PRDM16: variants seen among roughly 807,000 people sequenced by gnomAD.
PRDM16 encodes the protein PR/SET domain 16, also known as histone-lysine N-methyltransferase PRDM16.
A neutral mutation model predicts 110.6 loss-of-function variants in PRDM16; 23 were observed. The ratio of observed to expected loss-of-function variants is 0.21; its 90% confidence interval spans 0.15 to 0.29. The LOEUF (loss-of-function observed/expected upper bound fraction) is 0.29. Among genes scored for constraint, PRDM16 ranks in the 10% least tolerant of loss-of-function variants. The pLI, the probability that PRDM16 is intolerant of heterozygous loss-of-function variation, is 1.00. For synonymous variants in PRDM16, 799 were observed against 781.8 expected, an observed-to-expected ratio of 1.02 and a Z score of -0.37; for missense variants, 1,615 against 1,794.3, an observed-to-expected ratio of 0.90 and a Z score of 1.81.
At chr1:3,242,397 CCTT>C (rs1195961365) in intron 2 of PRDM16, among the ~76,000 whole-genome samples, 16 of 152,208 alleles carry the variant, frequency 1.1e-4, no homozygotes, top group Admixed American at 9.2e-4. Flanking sequence ...CGGGATCTGT[CCTT>C]CTACTCTCGA....
chr1:3,352,047 G>T (rs556637179), intron 3 of PRDM16, among the ~76,000 whole-genome samples: 1 of 152,144 alleles, frequency 6.6e-6, no homozygotes, highest in South Asian at 2.1e-4. Context: ...ACACTCCTGC[G>T]AGGGAATGGG....
intron 1 of PRDM16, among the ~76,000 whole-genome samples, chr1:3,114,840 A>G (rs1017988771): frequency 1.3e-5 from 2 of 152,234 alleles, no homozygotes; most frequent in African/African-American, 4.8e-5. Flanking sequence ...ATTGATCTCC[A>G]GAGTCCCAGA....
intron 1 of PRDM16, among the ~76,000 whole-genome samples, chr1:3,102,286 G>A (rs906540116): frequency 1.3e-5 from 2 of 152,150 alleles, no homozygotes; most frequent in Admixed American, 1.3e-4. Context: ...GCCAGCACCT[G>A]GCTACCTCCT....
At chr1:3,297,017 T>G (rs150157079) in intron 3 of PRDM16, among the ~76,000 whole-genome samples, 66 of 152,286 alleles carry the variant, frequency 4.3e-4, no homozygotes, top group African/African-American at 1.6e-3. Context: ...CATAATTTAT[T>G]GAATACTGTA....
intron 2 of PRDM16, among the ~76,000 whole-genome samples, chr1:3,195,301 A>G (rs963761577): frequency 1.3e-5 from 2 of 152,188 alleles, no homozygotes; most frequent in Admixed American, 1.3e-4. Context: ...TAGCCCAAGA[A>G]TGCCATGAAA....
intron 3 of PRDM16, among the ~76,000 whole-genome samples, chr1:3,378,196 T>G (rs1347389778): frequency 1.3e-5 from 2 of 152,214 alleles, no homozygotes; most frequent in East Asian, 3.9e-4. Context: ...AGTGTTCCTG[T>G]TGCCAGTGTT....
chr1:3,370,037 A>T lies in PRDM16; in HGVS notation c.439-15115A>T, dbSNP rs528940383. On this transcript the variant is annotated intron_variant, in intron 3 of 16. Transcript: ENST00000270722. This position sits in a 1 kb window ranked among gnomAD's most constrained non-coding sequence, Gnocchi z 4.8. ...AAGAAAGAAGGATGGGCTCGGAGAG[A>T]CTGAGTCAGCTGCAGGGAAGGCACT... 6.6e-6 allele frequency among the ~76,000 whole-genome samples: 1 copy of T among 152,084 alleles called. No homozygotes were observed. The highest frequency in any genetic ancestry group is 1.5e-5 in the Non-Finnish European group (1 of 68,028).
chr1:3,326,920 C>G (rs574178709), intron 3 of PRDM16, among the ~76,000 whole-genome samples: 1 of 152,220 alleles, frequency 6.6e-6, no homozygotes, highest in Non-Finnish European at 1.5e-5. Context: ...GGGAAAATCC[C>G]TCTACAGGAA....
chr1:3,092,357 G>A (rs533476897), intron 1 of PRDM16, among the ~76,000 whole-genome samples: 14 of 152,044 alleles, frequency 9.2e-5, no homozygotes, highest in Admixed American at 2.6e-4. Flanking sequence ...AAAGGCACCC[G>A]GTCCTGCCCC....
At chr1:3,409,741 TGTGTGTGGTGTGG>T (rs1478607069) in intron 8 of PRDM16, among the ~76,000 whole-genome samples, 6 of 141,078 alleles carry the variant, frequency 4.3e-5, no homozygotes, top group Non-Finnish European at 9.2e-5. Flanking sequence ...AGTGTGGGTG[TGTGTGTGGTGTGG>T]GTGTGAGTGT....
At chr1:3,427,430 C>T (rs866263790) in intron 14 of PRDM16, among the ~76,000 whole-genome samples, 7 of 152,148 alleles carry the variant, frequency 4.6e-5, no homozygotes, top group African/African-American at 7.2e-5. Context: ...TGGCCATGGG[C>T]GGTCTAAGGC....
intron 1 of PRDM16, among the ~76,000 whole-genome samples, chr1:3,182,738 TGAC>T (rs950103830): frequency 6.6e-6 from 1 of 152,164 alleles, no homozygotes; most frequent in African/African-American, 2.4e-5. Context: ...TGCGATCAAA[TGAC>T]GATCGCTCAT....
rs1213578819 is a variant in PRDM16, at chr1:3,290,305, C to A, written c.438+46168C>A. Among the ~76,000 whole-genome samples, 1 of 152,086 alleles carries A rather than the reference C, an allele frequency of 6.6e-6. No individual in the cohort carries two copies. Among genetic ancestry groups the A allele is most frequent in the African/African-American group, 2.4e-5 (1 of 41,408 alleles). On this transcript the variant is annotated intron_variant, in intron 3 of 16. Transcript: ENST00000270722. The surrounding 1 kb of genome is among the most constrained non-coding windows in gnomAD (Gnocchi z 4.8). ...CTGCCAGCCCACAGGGCTCAGGGGT[C>A]CTCAGAGGTGTCGCCCCTTCCATGC...
rs532491428 is a variant in PRDM16 at position 3,081,137 on chromosome 1, G to A, written c.37+11841G>A. On this transcript the variant is annotated intron_variant, in intron 1 of 16. Coordinates refer to ENST00000270722, the MANE Select transcript of PRDM16 (RefSeq NM_022114.4). The surrounding 1 kb of genome is among the most constrained non-coding windows in gnomAD (Gnocchi z 4.6). Reference sequence around the variant, plus strand: ...GCCCCGGAGTCTTAACTTTCCCTCCGTCGAAGGTGTTAGTCTTACCTTCCC... The same window carrying A: ...GCCCCGGAGTCTTAACTTTCCCTCCATCGAAGGTGTTAGTCTTACCTTCCC... Among the ~76,000 whole-genome samples the A allele has an allele frequency of 2.2e-3, 336 of 152,320 alleles. 1 individual carries two copies. Among genetic ancestry groups the A allele is most frequent in the African/African-American group, 7.8e-3 (325 of 41,576 alleles).
At chr1:3,319,443 G>C (rs1557604779) in intron 3 of PRDM16, among the ~76,000 whole-genome samples, 3 of 152,188 alleles carry the variant, frequency 2.0e-5, no homozygotes. Flanking sequence ...AGATATGCAG[G>C]GTGATGGGGA....
At position 3,402,829 on chromosome 1, in the gene PRDM16, T is replaced by C; in HGVS notation, c.715T>C (p.Phe239Leu). 1 of 1,613,006 alleles carries C rather than the reference T, an allele frequency of 6.2e-7. No individual in the cohort carries two copies. The highest frequency in any genetic ancestry group is 8.5e-7 in the Non-Finnish European group (1 of 1,179,900). Reference sequence around the variant, plus strand: ...CCGCTGTGACGAGTGTGACGAACTCTTCCAGTCCAAGCTGGACCTGCGGCG... The same window carrying C: ...CCGCTGTGACGAGTGTGACGAACTCCTCCAGTCCAAGCTGGACCTGCGGCG... ...TFRCDECDEL[F>L]QSKLDLRRHK... Residue 239 changes from phenylalanine (F) to leucine (L), a missense_variant, in exon 6 of 17, where the codon TTC (phenylalanine) becomes CTC (leucine). By Grantham distance (22) the Phe-to-Leu change is conservative (BLOSUM62 0). Transcript: ENST00000270722.
chr1:3,373,948 C>T (rs1420595573), intron 3 of PRDM16, among the ~76,000 whole-genome samples: 5 of 152,258 alleles, frequency 3.3e-5, no homozygotes, highest in Admixed American at 6.5e-5. Flanking sequence ...CAACCAGAGC[C>T]AACCACGCTG....
At chr1:3,272,654 T>G (rs1640485335) in intron 3 of PRDM16, among the ~76,000 whole-genome samples, 1 of 152,194 alleles carries the variant, frequency 6.6e-6, no homozygotes, top group African/African-American at 2.4e-5. Context: ...CTGCATCGCC[T>G]CAGTTCTGCA....
intron 3 of PRDM16, among the ~76,000 whole-genome samples, chr1:3,261,606 G>A (rs1640166232): frequency 6.6e-6 from 1 of 152,054 alleles, no homozygotes. Context: ...TAGATGACCT[G>A]TACACACGGC....
Sources: allele counts gnomAD v4.1 joint callset (sites outside exome capture counted in the v4.1 genomes callset), GRCh38; gene constraint gnomAD v4.1.1; non-coding constraint Gnocchi (gnomAD v3.1); transcripts MANE v1.5; gene names NCBI Gene and HGNC (gene_info 2026-07-23, HGNC 2026-07-21).